The following INPP4B variants were observed in gnomAD, a reference collection of about 807,000 sequenced individuals.
The protein encoded by INPP4B is inositol polyphosphate 4-phosphatase type II.
INPP4B carries 55 observed loss-of-function variants against 122.5 expected under a neutral mutation model. The ratio of observed to expected loss-of-function variants is 0.45; its 90% CI spans 0.36 to 0.56. INPP4B has a LOEUF of 0.56. INPP4B is among the 20% of genes least tolerant of loss of function. The probability of loss-of-function intolerance (pLI) is 0.00; values close to 1 mark genes in which losing one functional copy is unlikely to be tolerated. For missense variants in INPP4B, 1,000 were observed against 1,097.7 expected, an observed-to-expected ratio of 0.91 and a Z score of 1.26; for synonymous variants, 403 against 388.7, an observed-to-expected ratio of 1.04 and a Z score of -0.43.
chr4:142,818,441 C>CGTGTGTGTGTGTGT (rs10656794), intron 1 of INPP4B, among the ~76,000 whole-genome samples: 4 of 149,234 alleles, frequency 2.7e-5, no homozygotes, highest in Non-Finnish European at 5.9e-5. Flanking sequence ...GCAATTTAAA[C>CGTGTGTGTGTGTGT]GTGTGTGTGT....
At chr4:142,725,663 G>A (rs1407845033) in intron 2 of INPP4B, among the ~76,000 whole-genome samples, 176 bp downstream of exon 2, 2 of 152,128 alleles carry the variant, frequency 1.3e-5, no homozygotes, top group Non-Finnish European at 2.9e-5. Flanking sequence ...ATCTAAAAAT[G>A]TACTGTTCAC....
At chr4:142,035,390 T>C (rs527452384) in intron 25 of INPP4B, among the ~76,000 whole-genome samples, 1 of 152,310 alleles carries the variant, frequency 6.6e-6, no homozygotes, top group African/African-American at 2.4e-5. Context: ...AGCCGAGATA[T>C]TTTGTGCACC....
chr4:142,672,252 G>A (rs1270762040), intron 2 of INPP4B, among the ~76,000 whole-genome samples: 2 of 152,132 alleles, frequency 1.3e-5, no homozygotes, highest in African/African-American at 4.8e-5. Flanking sequence ...TGTTTTCAGT[G>A]AATAGGAGAG....
chr4:142,237,804 TA>T lies in INPP4B; in HGVS notation c.836+59del, dbSNP rs1404549309. On this transcript the variant is annotated intron_variant, in intron 12 of 25. Coordinates refer to ENST00000262992, the MANE Select transcript of INPP4B (RefSeq NM_001101669.3). ...CACAGATTATATATAATTTGTCAAT[TA>T]AAAATTTTTAAATGGTATAAAATAA... The T allele has an allele frequency of 1.8e-5, 18 of 1,003,706 alleles. No individual in the cohort carries two copies. The East Asian group carries it at 4.1e-4, about 23-fold the overall frequency. The allele number at this position is 1,003,706 out of a possible 1,614,324, so 62.2% of individuals were successfully genotyped here. A position where few individuals can be genotyped will look rare whatever the true frequency, so the allele number is the denominator to read the frequency against.
chr4:142,468,607 C>G (rs1339766227), intron 2 of INPP4B, among the ~76,000 whole-genome samples: 1 of 152,066 alleles, frequency 6.6e-6, no homozygotes, highest in Non-Finnish European at 1.5e-5. Flanking sequence ...TTAGTTTCCA[C>G]AAGAGCTGAT....
intron 18 of INPP4B, among the ~76,000 whole-genome samples, chr4:142,143,361 C>CCGCAT (rs61430638): frequency 6.6e-6 from 1 of 152,034 alleles, no homozygotes; most frequent in African/African-American, 2.4e-5. Context: ...AGCATCTGTA[C>CCGCAT]TGAGATATTA....
At chr4:142,599,113 AC>A (rs527350533) in intron 2 of INPP4B, among the ~76,000 whole-genome samples, 345 of 152,212 alleles carry the variant, frequency 2.3e-3, no homozygotes, top group African/African-American at 7.7e-3. Flanking sequence ...ATGTCTTGGG[AC>A]CCAGTTGATC....
rs189771052 is a variant in INPP4B at position 142,112,925 on chromosome 4, C to T, written c.2136-243G>A. ...TGAATTCCTTCAGGAAAAAAATGTT[C>T]GGTTCATTTTTGTACACCCAGGGTC... On this transcript the variant is annotated intron_variant, in intron 21 of 25. Transcript: ENST00000262992. Among the ~76,000 whole-genome samples the T allele has an allele frequency of 2.7e-3, 411 of 152,120 alleles. 2 individuals carry two copies. Among genetic ancestry groups the T allele is most frequent in the African/African-American group, 8.9e-3 (369 of 41,534 alleles).
chr4:142,772,984 T>C (rs1026693261), intron 1 of INPP4B, among the ~76,000 whole-genome samples: 2 of 152,118 alleles, frequency 1.3e-5, no homozygotes, highest in Non-Finnish European at 2.9e-5. Flanking sequence ...AGTCAGAGGT[T>C]GCAGTGAGCT....
At chr4:142,089,786 T>A (rs1248584171) in intron 23 of INPP4B, among the ~76,000 whole-genome samples, 1 of 152,148 alleles carries the variant, frequency 6.6e-6, no homozygotes, top group African/African-American at 2.4e-5. Flanking sequence ...AAAATTGTAG[T>A]TCCAACACAC....
intron 7 of INPP4B, among the ~76,000 whole-genome samples, chr4:142,327,443 GA>G (rs542721361): frequency 8.1e-4 from 115 of 142,622 alleles, no homozygotes; most frequent in East Asian, 1.2e-3. Flanking sequence ...TACATGAATC[GA>G]AAAAAAAAAA....
intron 7 of INPP4B, among the ~76,000 whole-genome samples, chr4:142,319,421 A>G (rs761282525): frequency 9.2e-5 from 14 of 152,200 alleles, no homozygotes; most frequent in Admixed American, 2.6e-4. Context: ...ATATCATCAC[A>G]TTTACTTGTT....
At chr4:142,586,610 G>A (rs1257993788) in intron 2 of INPP4B, among the ~76,000 whole-genome samples, 1 of 152,162 alleles carries the variant, frequency 6.6e-6, no homozygotes, top group African/African-American at 2.4e-5. Context: ...GTTAGGTGCT[G>A]GGGATTATAA....
chr4:142,788,657 T>A (rs1776090900), intron 1 of INPP4B, among the ~76,000 whole-genome samples: 2 of 152,068 alleles, frequency 1.3e-5, no homozygotes, highest in African/African-American at 4.8e-5. Flanking sequence ...GTTCATTGTG[T>A]CATTCTTGTT....
chr4:142,484,252 A>C (rs980412780), intron 2 of INPP4B, among the ~76,000 whole-genome samples: 15 of 152,112 alleles, frequency 9.9e-5, no homozygotes, highest in Non-Finnish European at 1.5e-5. Context: ...CAAATCTCAA[A>C]GTATCAGGGC....
rs201656359 is a variant in INPP4B, at chr4:142,806,741, TA to T, written c.-254+39467del. ...CCTGAGCAACAGAGCAAGACCCTGTTAAAAAAAAAGAAGAAGAAGAAAGAAG... is the reference window on the plus strand; with the variant it reads ...CCTGAGCAACAGAGCAAGACCCTGTTAAAAAAAAGAAGAAGAAGAAAGAAG... On this transcript the variant is annotated intron_variant, in intron 1 of 25. Transcript: ENST00000262992. Among the ~76,000 whole-genome samples, 5 of 105,502 alleles carry T rather than the reference TA, an allele frequency of 4.7e-5. No homozygotes were observed. The South Asian group carries it at 8.9e-4, about 19-fold the overall frequency. The allele number at this position is 105,502 out of a possible 152,430, so 69.2% of individuals were successfully genotyped here.
At chr4:142,724,857 CT>C (rs1278795041) in intron 2 of INPP4B, among the ~76,000 whole-genome samples, 1 of 151,998 alleles carries the variant, frequency 6.6e-6, no homozygotes, top group African/African-American at 2.4e-5. Flanking sequence ...TAAATGCTAC[CT>C]GTATTTCAGT....
At chr4:142,742,209 C>G (rs143865650) in intron 1 of INPP4B, among the ~76,000 whole-genome samples, 1 of 151,916 alleles carries the variant, frequency 6.6e-6, no homozygotes, top group Non-Finnish European at 1.5e-5. Context: ...CCTCTAGGGA[C>G]AGCCCACAGC....
chr4:142,310,253 T>G (rs1291829050), intron 8 of INPP4B, among the ~76,000 whole-genome samples: 5 of 152,268 alleles, frequency 3.3e-5, no homozygotes, highest in Admixed American at 3.3e-4. Context: ...CAAGTTGAGA[T>G]GTACACTCAG....
Sources: allele counts gnomAD v4.1 joint callset (sites outside exome capture counted in the v4.1 genomes callset), GRCh38; gene constraint gnomAD v4.1.1; transcripts MANE v1.5; gene names NCBI Gene and HGNC (gene_info 2026-07-23, HGNC 2026-07-21).